The following CR1L variants were observed in gnomAD, a reference collection of about 807,000 sequenced individuals.
CR1L encodes complement component receptor 1-like protein.
CR1L carries 59 observed loss-of-function variants against 62.3 expected under a neutral mutation model. That is an observed-to-expected ratio of 0.95 (90% CI 0.77 to 1.18). The LOEUF (loss-of-function observed/expected upper bound fraction) is 1.18. CR1L is among the 50% of genes most tolerant of loss of function. CR1L has a pLI of 0.00. For missense variants in CR1L, 700 were observed against 702.8 expected (o/e 1.00, Z 0.04); for synonymous variants, 279 against 248.7 (o/e 1.12, Z -1.15).
chr1:207,705,654 A>G (rs1664254833), intron 9 of CR1L, among the ~76,000 whole-genome samples: 1 of 152,190 alleles, frequency 6.6e-6, no homozygotes, highest in South Asian at 2.1e-4. Context: ...TTTTTTGAGC[A>G]TTTTTAAAAA....
Position 207,652,141 on chromosome 1 carries a change from G to C in CR1L, c.97+6811G>C, listed in dbSNP as rs182027531. 1.7e-3 allele frequency among the ~76,000 whole-genome samples: 265 copies of C among 152,320 alleles called. 3 individuals are homozygous for C. Among genetic ancestry groups the C allele is most frequent in the African/African-American group, 6.2e-3 (256 of 41,574 alleles). ...AGAAGACAGCCTGAAGTGACAAGCT[G>C]TTATAAGTTAGTGTTTTAAACTATG... On this transcript the variant is annotated intron_variant, in intron 1 of 11. Transcript: ENST00000508064.
chr1:207,693,177 G>A (rs1417153228), intron 4 of CR1L, among the ~76,000 whole-genome samples: 2 of 152,158 alleles, frequency 1.3e-5, no homozygotes, highest in Non-Finnish European at 2.9e-5. Context: ...GAGTGCAGTG[G>A]CGCGATCTCG....
intron 9 of CR1L, among the ~76,000 whole-genome samples, chr1:207,706,258 A>G (rs1382394825): frequency 1.3e-5 from 2 of 151,716 alleles, no homozygotes; most frequent in South Asian, 4.2e-4. Context: ...CATCTCTACA[A>G]AAAAGTATAA....
intron 1 of CR1L, among the ~76,000 whole-genome samples, chr1:207,670,016 G>A (rs1044218288): frequency 1.3e-5 from 2 of 150,998 alleles, no homozygotes; most frequent in Non-Finnish European, 2.9e-5. Flanking sequence ...TGTAAAATGG[G>A]GACACTGGTA....
Position 207,669,984 on chromosome 1 carries a change from C to T in CR1L, c.98-7405C>T, listed in dbSNP as rs750073267. ...AACTTAACTGTGAGGCAAGTTAGCA[C>T]ACCTAAGTCTGTTTGCTCTTCTGTA... is the stretch of plus-strand genomic sequence containing the variant. On this transcript the variant is annotated intron_variant, in intron 1 of 11. Coordinates refer to ENST00000508064, the MANE Select transcript of CR1L (RefSeq NM_175710.2). Among the ~76,000 whole-genome samples the T allele has an allele frequency of 8.6e-5, 13 of 151,108 alleles. 1 individual carries two copies. The highest frequency in any genetic ancestry group is 1.3e-4 in the Admixed American group (2 of 15,254).
chr1:207,683,792 G>A (rs1663845976), intron 3 of CR1L, 80 bp from the exon 4 acceptor site: 1 of 1,338,846 alleles, frequency 7.5e-7, no homozygotes, highest in Non-Finnish European at 1.1e-6. Flanking sequence ...CTATAAGAGT[G>A]TAATCTCTGG....
chr1:207,678,344 A>AAC (rs1182792315), intron 3 of CR1L, 47 bp downstream of exon 3: 2 of 1,506,190 alleles, frequency 1.3e-6, no homozygotes, highest in African/African-American at 2.8e-5. Flanking sequence ...CAAGGGTTCT[A>AAC]ACACAGCCAT....
intron 1 of CR1L, among the ~76,000 whole-genome samples, chr1:207,647,196 G>A (rs1454286812): frequency 6.6e-6 from 1 of 152,166 alleles, no homozygotes; most frequent in Non-Finnish European, 1.5e-5. Context: ...GTGTTCTGGA[G>A]GAAAGGAGTA....
chr1:207,708,339 A>T, intron 10 of CR1L, 76 bp downstream of exon 10: 1 of 1,539,730 alleles, frequency 6.5e-7, no homozygotes, highest in East Asian at 2.3e-5. Context: ...CAAAGAATGA[A>T]TCTCATCCCT....
intron 1 of CR1L, among the ~76,000 whole-genome samples, chr1:207,660,468 G>A (rs1389148843): frequency 1.3e-5 from 2 of 152,230 alleles, no homozygotes; most frequent in Non-Finnish European, 2.9e-5. Context: ...CAAAGAAACA[G>A]AAAGGAATAG....
intron 2 of CR1L, 62 bp downstream of exon 2, chr1:207,677,630 T>C: frequency 6.4e-7 from 1 of 1,553,764 alleles, no homozygotes; most frequent in Non-Finnish European, 8.7e-7. Flanking sequence ...CTGATTCAAT[T>C]TGTTCAAATT....
intron 9 of CR1L, among the ~76,000 whole-genome samples, chr1:207,702,029 T>G (rs1664200495): frequency 6.6e-6 from 1 of 152,204 alleles, no homozygotes; most frequent in Non-Finnish European, 1.5e-5. Flanking sequence ...TTCCTCATTT[T>G]ATTGTACTTC....
intron 1 of CR1L, among the ~76,000 whole-genome samples, chr1:207,659,811 T>G (rs994680020): frequency 6.6e-6 from 1 of 152,190 alleles, no homozygotes; most frequent in African/African-American, 2.4e-5. Flanking sequence ...ATACTGTGCT[T>G]TTCCCACAGT....
intron 1 of CR1L, among the ~76,000 whole-genome samples, chr1:207,662,210 G>T (rs1261114477): frequency 6.6e-6 from 1 of 152,166 alleles, no homozygotes; most frequent in Admixed American, 6.5e-5. Flanking sequence ...CTAGACTGGG[G>T]AAGTTCTCCT....
At chr1:207,671,992 GAAGA>G (rs1488866308) in intron 1 of CR1L, among the ~76,000 whole-genome samples, 2 of 150,880 alleles carry the variant, frequency 1.3e-5, no homozygotes, top group East Asian at 3.9e-4. Flanking sequence ...GAGAACAAGA[GAAGA>G]AAGACAACAA....
In CR1L at chr1:207,648,827, T is replaced by G. The variant is rs544233274; in HGVS notation, c.97+3497T>G. 5.9e-5 allele frequency among the ~76,000 whole-genome samples: 9 copies of G among 152,338 alleles called. 1 individual carries two copies. The East Asian group carries it at 1.2e-3, about 20-fold the overall frequency. On this transcript the variant is annotated intron_variant, in intron 1 of 11. Coordinates refer to ENST00000508064, the MANE Select transcript of CR1L (RefSeq NM_175710.2). ...GTCACCTGCCAGGATACCAGAAGAC[T>G]GGGAGATAGGCAGCACAAGAAATGG...
intron 10 of CR1L, chr1:207,710,240 AGGTTGAGGGG>A: frequency 3.4e-6 from 2 of 585,160 alleles, no homozygotes; most frequent in African/African-American, 3.7e-5. Context: ...GCTACTCGGG[AGGTTGAGGGG>A]GGAGGATTGC....
Position 207,677,496 on chromosome 1 carries a change from T to C in CR1L, c.205T>C (p.Tyr69His). 1 of 1,613,898 alleles carries C rather than the reference T, an allele frequency of 6.2e-7. No individual in the cohort carries two copies. The highest frequency in any genetic ancestry group is 1.3e-5 in the African/African-American group (1 of 75,002). The change falls in exon 2 of 12, where the codon TAT (tyrosine) becomes CAT (histidine). Residue 69 changes from tyrosine to histidine, a missense_variant. Transcript: ENST00000508064. ...TCTGAACTATGAATGCCGCCCTGGTTATTCCGGAAGACCGTTTTCTATCAT... is the reference window on the plus strand; with the variant it reads ...TCTGAACTATGAATGCCGCCCTGGTCATTCCGGAAGACCGTTTTCTATCAT... The part of the protein sequence containing the change: ...TYLNYECRPG[Y>H]SGRPFSIICL...
At chr1:207,652,105 T>C (rs1368784890) in intron 1 of CR1L, among the ~76,000 whole-genome samples, 1 of 152,182 alleles carries the variant, frequency 6.6e-6, no homozygotes, top group Non-Finnish European at 1.5e-5. Context: ...CCCAGGAACT[T>C]GCCTTTTAAG....
Sources: allele counts gnomAD v4.1 joint callset (sites outside exome capture counted in the v4.1 genomes callset), GRCh38; gene constraint gnomAD v4.1.1; transcripts MANE v1.5; gene names NCBI Gene and HGNC (gene_info 2026-07-23, HGNC 2026-07-21).